The following PRKAG2 variants were observed in gnomAD, a reference collection of about 807,000 sequenced individuals.
PRKAG2 encodes the protein 5'-AMP-activated protein kinase subunit gamma-2.
PRKAG2 carries 26 observed loss-of-function variants against 69.6 expected under a neutral mutation model. That is an observed-to-expected ratio of 0.37 (90% CI 0.27 to 0.52). PRKAG2 has a LOEUF of 0.52. Among genes scored for constraint, PRKAG2 ranks in the 20% least tolerant of loss-of-function variants. The probability of loss-of-function intolerance (pLI) is 0.90; values close to 1 mark genes in which losing one functional copy is unlikely to be tolerated. For missense variants in PRKAG2, 557 were observed against 740.0 expected, an observed-to-expected ratio of 0.75 and a Z score of 2.87; for synonymous variants, 293 against 285.0, an observed-to-expected ratio of 1.03 and a Z score of -0.28.
intron 6 of PRKAG2, among the ~76,000 whole-genome samples, chr7:151,594,703 C>T (rs1404193206): frequency 6.6e-6 from 1 of 152,170 alleles, no homozygotes; most frequent in Admixed American, 6.5e-5. Flanking sequence ...AGCTTAGGTT[C>T]TAACACACAT....
At chr7:151,600,835 C>T (rs1396740418) in intron 5 of PRKAG2, among the ~76,000 whole-genome samples, 1 of 152,202 alleles carries the variant, frequency 6.6e-6, no homozygotes, top group African/African-American at 2.4e-5. Flanking sequence ...AAGAAGTGAA[C>T]GTCTGAGTGC....
chr7:151,644,665 G>T (rs1033488010), intron 4 of PRKAG2, among the ~76,000 whole-genome samples: 4 of 152,164 alleles, frequency 2.6e-5, no homozygotes, highest in Admixed American at 6.5e-5. Flanking sequence ...TCAAGTCTTT[G>T]TAGGAACATG....
In PRKAG2 at chr7:151,717,172, G is replaced by A. The variant is rs150069027; in HGVS notation, c.467-41535C>T. 2.7e-3 allele frequency among the ~76,000 whole-genome samples: 411 copies of A among 151,934 alleles called. 4 individuals carry two copies. The highest frequency in any genetic ancestry group is 9.3e-3 in the African/African-American group (385 of 41,438). On this transcript the variant is annotated intron_variant, in intron 3 of 15. Transcript: ENST00000287878. ...TGAGGCAGGAGAATTGCTTAAGCCCGGGAGGTGGAGGTTGCAGTGAGCTGA... is the reference window on the plus strand; with the variant it reads ...TGAGGCAGGAGAATTGCTTAAGCCCAGGAGGTGGAGGTTGCAGTGAGCTGA...
chr7:151,613,019 G>A (rs1563256095), intron 5 of PRKAG2, among the ~76,000 whole-genome samples: 1 of 152,166 alleles, frequency 6.6e-6, no homozygotes, highest in Non-Finnish European at 1.5e-5. Context: ...CAGAATACGG[G>A]AGCCCAGCCG....
chr7:151,845,147 C>A (rs889961077), intron 1 of PRKAG2, among the ~76,000 whole-genome samples: 1 of 151,998 alleles, frequency 6.6e-6, no homozygotes, highest in Non-Finnish European at 1.5e-5. Context: ...GATCACTGCT[C>A]GGCATCCCTC....
chr7:151,832,249 AAGG>A (rs1162111629), intron 1 of PRKAG2, among the ~76,000 whole-genome samples: 8 of 18,560 alleles, frequency 4.3e-4, no homozygotes, highest in African/African-American at 1.1e-3. Flanking sequence ...GGAGGGAAGG[AAGG>A]GAGGAGGGAA....
rs1180495077 is a variant in PRKAG2, at chr7:151,780,790, G to A, written c.466+362C>T. On this transcript the variant is annotated intron_variant, in intron 3 of 15. Transcript: ENST00000287878. This position sits in a 1 kb window ranked among gnomAD's most constrained non-coding sequence, Gnocchi z 4.2. ...GTATGGTCCCGTGGCCCCGGGTGAGGGCCTAAGCTTGGCTCCATGCCTGCA... is the reference window on the plus strand; with the variant it reads ...GTATGGTCCCGTGGCCCCGGGTGAGAGCCTAAGCTTGGCTCCATGCCTGCA... Among the ~76,000 whole-genome samples, 1 of 152,186 alleles carries A rather than the reference G, an allele frequency of 6.6e-6. No homozygotes were observed. The highest frequency in any genetic ancestry group is 6.5e-5 in the Admixed American group (1 of 15,282).
At chr7:151,734,085 G>C (rs1409575496) in intron 3 of PRKAG2, among the ~76,000 whole-genome samples, 1 of 151,902 alleles carries the variant, frequency 6.6e-6, no homozygotes, top group Non-Finnish European at 1.5e-5. Flanking sequence ...TCTCTTTATG[G>C]GGCTTTCTTC....
chr7:151,804,239 C>A (rs1486671005), intron 1 of PRKAG2, among the ~76,000 whole-genome samples: 2 of 152,312 alleles, frequency 1.3e-5, no homozygotes, highest in Admixed American at 6.5e-5. Context: ...TTTAACCAGT[C>A]CCCTGTAGGT....
At chr7:151,631,282 G>A (rs992645245) in intron 5 of PRKAG2, among the ~76,000 whole-genome samples, 2 of 152,202 alleles carry the variant, frequency 1.3e-5, no homozygotes, top group Non-Finnish European at 2.9e-5. Flanking sequence ...CCGACTCTGA[G>A]CTCATCACAT....
Position 151,825,565 on chromosome 7 carries a change from A to T in PRKAG2, c.115-39024T>A, listed in dbSNP as rs573480400. On this transcript the variant is annotated intron_variant, in intron 1 of 15. Transcript: ENST00000287878. The stretch of plus-strand genomic sequence containing the variant: ...TGGCACCCTAGGTGACAGGGGTACC[A>T]GATGAAGCACAAGTCTCCGCCCTCC... Among the ~76,000 whole-genome samples the T allele has an allele frequency of 2.0e-5, 3 of 152,316 alleles. No homozygotes were observed. In the South Asian group the frequency reaches 6.2e-4, roughly 32 times the overall value.
chr7:151,664,446 T>C (rs1585598137), intron 4 of PRKAG2, among the ~76,000 whole-genome samples: 1 of 151,918 alleles, frequency 6.6e-6, no homozygotes, highest in African/African-American at 2.4e-5. Flanking sequence ...CCTGCCTGGG[T>C]CCCCCTCCTC....
rs760557698 is a variant in PRKAG2, at chr7:151,756,056, C to A, written c.466+25096G>T. 6.6e-6 allele frequency among the ~76,000 whole-genome samples: 1 copy of A among 152,180 alleles called. No individual in the cohort carries two copies. Among genetic ancestry groups the A allele is most frequent in the Non-Finnish European group, 1.5e-5 (1 of 68,020 alleles). ...GCCCTCTCCCGCCTCCTCTCCCATC[C>A]CCCATTGGTCTCCTCCTCTTCTCAG... On this transcript the variant is annotated intron_variant, in intron 3 of 15. Coordinates refer to ENST00000287878, the MANE Select transcript of PRKAG2 (RefSeq NM_016203.4). This position sits in a 1 kb window ranked among gnomAD's most constrained non-coding sequence, Gnocchi z 4.9.
intron 5 of PRKAG2, among the ~76,000 whole-genome samples, chr7:151,611,261 C>T (rs1456791313): frequency 6.6e-6 from 1 of 152,200 alleles, no homozygotes; most frequent in Non-Finnish European, 1.5e-5. Context: ...TCGATGGTTA[C>T]ACCCCTCGGC....
chr7:151,703,260 C>T (rs1278015461), intron 3 of PRKAG2, among the ~76,000 whole-genome samples: 4 of 152,230 alleles, frequency 2.6e-5, no homozygotes, highest in East Asian at 3.8e-4. Context: ...CAAAGGACTG[C>T]GGGTGCTCTA....
chr7:151,833,914 A>T (rs1254407674), intron 1 of PRKAG2, among the ~76,000 whole-genome samples: 3 of 152,250 alleles, frequency 2.0e-5, no homozygotes, highest in Non-Finnish European at 2.9e-5. Flanking sequence ...GCCTGAGGCC[A>T]CAGCCAGCAT....
chr7:151,596,349 A>ATTGT (rs1814521128), intron 5 of PRKAG2, among the ~76,000 whole-genome samples: 1 of 152,254 alleles, frequency 6.6e-6, no homozygotes, highest in South Asian at 2.1e-4. Context: ...TAGAAATAAT[A>ATTGT]AAAGAATCCC....
At chr7:151,704,531 G>T (rs1838278492) in intron 3 of PRKAG2, among the ~76,000 whole-genome samples, 1 of 152,198 alleles carries the variant, frequency 6.6e-6, no homozygotes, top group Admixed American at 6.5e-5. Flanking sequence ...GACTGCTGAT[G>T]GGCATCTGGG....
chr7:151,812,585 T>C (rs2078476842), intron 1 of PRKAG2, among the ~76,000 whole-genome samples: 1 of 152,188 alleles, frequency 6.6e-6, no homozygotes, highest in South Asian at 2.1e-4. Flanking sequence ...GACACAGGAC[T>C]CAAGAGTTTG....
Sources: gnomAD v4.1 joint callset for allele counts (sites outside exome capture counted in the v4.1 genomes callset) on GRCh38, gnomAD v4.1.1 for gene constraint, Gnocchi (gnomAD v3.1) non-coding constraint, MANE v1.5 for transcripts, NCBI Gene and HGNC (gene_info 2026-07-23, HGNC 2026-07-21) for gene names.